SYCP2L: variants seen among roughly 807,000 people sequenced by gnomAD.
SYCP2L encodes synaptonemal complex protein 2-like.
In SYCP2L, 98 loss-of-function variants were observed where a neutral mutation model predicts 125.8. That is an observed-to-expected ratio of 0.78 (90% CI 0.66 to 0.92). SYCP2L has a LOEUF of 0.92. Ranked by LOEUF, SYCP2L falls within the 40% of genes least tolerant of loss-of-function variation. The pLI is 0.00. For missense variants in SYCP2L, 842 were observed against 936.4 expected (o/e 0.90, Z 1.32); for synonymous variants, 317 against 325.4 (o/e 0.97, Z 0.28).
chr6:10,970,365 T>C lies in SYCP2L; in HGVS notation c.*38-3587T>C, dbSNP rs191187591. ...AAGATGAAGTCAGGAAGGGTGTGGGTGTGGATGGTGGGGGTGACCCAGGAC... is the reference window on the plus strand; with the variant it reads ...AAGATGAAGTCAGGAAGGGTGTGGGCGTGGATGGTGGGGGTGACCCAGGAC... On this transcript the variant is annotated intron_variant, in intron 29 of 29. Coordinates refer to ENST00000283141, the MANE Select transcript of SYCP2L (RefSeq NM_001040274.3). Among the ~76,000 whole-genome samples the C allele has an allele frequency of 2.0e-4, 30 of 151,944 alleles. 1 individual carries two copies. Among genetic ancestry groups the C allele is most frequent in the Middle Eastern group, 3.4e-3 (1 of 294 alleles).
At chr6:10,889,900 A>G (rs1266375880) in intron 1 of SYCP2L, among the ~76,000 whole-genome samples, 1 of 152,146 alleles carries the variant, frequency 6.6e-6, no homozygotes, top group Non-Finnish European at 1.5e-5. Flanking sequence ...GATTACAGGC[A>G]TGAGCCACCG....
At chr6:10,961,160 AGAG>A (rs967220182) in intron 26 of SYCP2L, 142 bp from the exon 27 acceptor site, 4 of 627,578 alleles carry the variant, frequency 6.4e-6, no homozygotes, top group Non-Finnish European at 1.1e-5. Flanking sequence ...AGGGGAGGGA[AGAG>A]AAGGGAGATA....
intron 29 of SYCP2L, among the ~76,000 whole-genome samples, chr6:10,968,385 G>C (rs907708166): frequency 6.6e-6 from 1 of 152,186 alleles, no homozygotes; most frequent in Non-Finnish European, 1.5e-5. Context: ...GAGGTTGATA[G>C]TAGAATGCAG....
At chr6:10,927,052 A>T (rs1210293002) in intron 16 of SYCP2L, among the ~76,000 whole-genome samples, 188 bp from the exon 17 acceptor site, 1 of 152,106 alleles carries the variant, frequency 6.6e-6, no homozygotes, top group Admixed American at 6.5e-5. Flanking sequence ...AAGTCCTGGG[A>T]TTACAGACGT....
chr6:10,940,153 A>T (rs75324537), intron 21 of SYCP2L, among the ~76,000 whole-genome samples: 2,770 of 152,326 alleles, frequency 0.018, 80 homozygotes, highest in African/African-American at 0.061. Flanking sequence ...ACACCTGTCC[A>T]GATAGCTATT....
intron 4 of SYCP2L, among the ~76,000 whole-genome samples, chr6:10,897,048 T>G (rs1297144375): frequency 1.3e-5 from 2 of 152,190 alleles, no homozygotes; most frequent in Admixed American, 6.5e-5. Context: ...CTAATTTTTT[T>G]TTTTCTAAGA....
chr6:10,887,337 G>T (rs536165286), intron 1 of SYCP2L, among the ~76,000 whole-genome samples: 1 of 152,324 alleles, frequency 6.6e-6, no homozygotes, highest in East Asian at 1.9e-4. Flanking sequence ...AGAAACCTCG[G>T]ATCCCTAGCT....
chr6:10,961,721 C>T (rs1232509523), intron 28 of SYCP2L, among the ~76,000 whole-genome samples, 163 bp downstream of exon 28: 4 of 152,234 alleles, frequency 2.6e-5, no homozygotes, highest in East Asian at 3.9e-4. Context: ...GGACAGAGTG[C>T]GGCTAATGAT....
In SYCP2L at chr6:10,911,550, C is replaced by T. The variant is rs112074550; in HGVS notation, c.918+681C>T. Among the ~76,000 whole-genome samples, 487 of 152,324 alleles carry T rather than the reference C, an allele frequency of 3.2e-3. 4 individuals carry two copies. The highest frequency in any genetic ancestry group is 0.011 in the African/African-American group (445 of 41,572). On this transcript the variant is annotated intron_variant, in intron 12 of 29. Transcript: ENST00000283141. ...GAGCTAAACTTTCAGCTCATGGCTA[C>T]ACTACACATTCCTTCTCTCTAGAAC...
intron 2 of SYCP2L, 76 bp from the exon 3 acceptor site, chr6:10,893,791 A>G (rs1780212336): frequency 1.4e-6 from 2 of 1,474,360 alleles, no homozygotes; most frequent in Non-Finnish European, 1.9e-6. Flanking sequence ...CTTATTGATA[A>G]TGAGATCAGT....
chr6:10,942,227 A>G (rs1781237016), intron 21 of SYCP2L, among the ~76,000 whole-genome samples: 1 of 152,126 alleles, frequency 6.6e-6, no homozygotes. Flanking sequence ...CAGCACACCA[A>G]CATGGCACAT....
At chr6:10,899,873 T>C (rs558116804) in intron 6 of SYCP2L, among the ~76,000 whole-genome samples, 1 of 152,354 alleles carries the variant, frequency 6.6e-6, no homozygotes, top group Admixed American at 6.5e-5. Context: ...ACAATGACAG[T>C]TGCTGTCTTT....
intron 10 of SYCP2L, among the ~76,000 whole-genome samples, chr6:10,909,116 A>ATTTTTTTTTTTTTTTTTT (rs67767345): frequency 1.1e-5 from 1 of 94,878 alleles, no homozygotes; most frequent in Non-Finnish European, 2.0e-5. Flanking sequence ...TCTCAATTGA[A>ATTTTTTTTTTTTTTTTTT]TTTTTTTTTT....
chr6:10,891,794 A>G (rs552451269), intron 2 of SYCP2L, among the ~76,000 whole-genome samples: 4 of 152,198 alleles, frequency 2.6e-5, no homozygotes, highest in Non-Finnish European at 5.9e-5. Flanking sequence ...CTCATGTCCA[A>G]TTTATTACTA....
intron 2 of SYCP2L, among the ~76,000 whole-genome samples, chr6:10,892,291 G>A (rs1245356733): frequency 1.3e-5 from 2 of 152,164 alleles, no homozygotes; most frequent in African/African-American, 4.8e-5. Context: ...TAATGCAGAG[G>A]AAGCCATGGC....
At chr6:10,966,112 CAAT>C (rs34443540) in intron 29 of SYCP2L, among the ~76,000 whole-genome samples, 11 of 151,242 alleles carry the variant, frequency 7.3e-5, no homozygotes, top group South Asian at 4.2e-4. Flanking sequence ...TACTCTGTCT[CAAT>C]AATAATAATA....
At chr6:10,891,637 G>GC in intron 2 of SYCP2L, 56 bp downstream of exon 2, 2 of 696,806 alleles carry the variant, frequency 2.9e-6, no homozygotes, top group South Asian at 1.8e-5. Flanking sequence ...GTGTGTGTGT[G>GC]TGTGTGTGTG....
chr6:10,934,514 A>C (rs1781057565), intron 20 of SYCP2L, among the ~76,000 whole-genome samples: 1 of 152,156 alleles, frequency 6.6e-6, no homozygotes, highest in South Asian at 2.1e-4. Context: ...CCCCATCTCT[A>C]ATAAAATACA....
chr6:10,958,095 A>G (rs1292703871), intron 25 of SYCP2L, among the ~76,000 whole-genome samples: 1 of 152,210 alleles, frequency 6.6e-6, no homozygotes, highest in Non-Finnish European at 1.5e-5. Flanking sequence ...TTTCTGTGAT[A>G]CCAATGTAAG....
Sources: allele counts gnomAD v4.1 joint callset (sites outside exome capture counted in the v4.1 genomes callset), GRCh38; gene constraint gnomAD v4.1.1; transcripts MANE v1.5; gene names NCBI Gene and HGNC (gene_info 2026-07-23, HGNC 2026-07-21).